Variants in IGHMBP2 observed in about 807,000 individuals in gnomAD.
The protein encoded by IGHMBP2 is immunoglobulin mu DNA binding protein 2.
IGHMBP2 carries 81 observed loss-of-function variants against 96.0 expected under a neutral mutation model. The observed-to-expected ratio is 0.84, with a 90% confidence interval of 0.71 to 1.01. The LOEUF (loss-of-function observed/expected upper bound fraction) is 1.01, where lower values mean the gene tolerates loss of function less well. Ranked by LOEUF, IGHMBP2 falls within the 50% of genes least tolerant of loss-of-function variation. The pLI, the probability that IGHMBP2 is intolerant of heterozygous loss-of-function variation, is 0.00. For missense variants in IGHMBP2, 1,227 were observed against 1,306.3 expected, an observed-to-expected ratio of 0.94 and a Z score of 0.94; for synonymous variants, 557 against 548.9, an observed-to-expected ratio of 1.01 and a Z score of -0.21.
rs1190379799 is a variant in IGHMBP2 at position 68,925,168 on chromosome 11, C to T, written c.1061-4015C>T. On this transcript the variant is annotated intron_variant, in intron 7 of 14. Transcript: ENST00000255078. The stretch of plus-strand genomic sequence containing the variant: ...TTTTTTTTTTTTTTTTTTTTTGAGA[C>T]AGCATCTCACTCTGTTGCCCAGGCT... Among the ~76,000 whole-genome samples, 7 of 130,800 alleles carry T rather than the reference C, an allele frequency of 5.4e-5. No individual in the cohort carries two copies. In the Admixed American group the frequency reaches 6.0e-4, roughly 11 times the overall value. The allele number at this position is 130,800 out of a possible 152,430, so 85.8% of individuals were successfully genotyped here. A position where few individuals can be genotyped will look rare whatever the true frequency, so the allele number is the denominator to read the frequency against.
intron 11 of IGHMBP2, among the ~76,000 whole-genome samples, 172 bp downstream of exon 11, chr11:68,934,730 G>A (rs541866480): frequency 2.0e-5 from 3 of 152,332 alleles, no homozygotes; most frequent in African/African-American, 7.2e-5. Context: ...GCCCCTCTGC[G>A]TGTTCGTCTG....
At chr11:68,933,018 T>C in intron 8 of IGHMBP2, 1 of 535,350 alleles carries the variant, frequency 1.9e-6, no homozygotes, top group Non-Finnish European at 3.4e-6. Context: ...GGTTATCACC[T>C]GGGTCATCCA....
intron 11 of IGHMBP2, among the ~76,000 whole-genome samples, chr11:68,934,759 G>A (rs572179910): frequency 1.8e-4 from 27 of 152,184 alleles, no homozygotes; most frequent in African/African-American, 5.5e-4. Context: ...ACCTTGCCCC[G>A]CCCTGCCCGG....
At chr11:68,915,637 C>T (rs1858633122) in intron 6 of IGHMBP2, among the ~76,000 whole-genome samples, 1 of 151,822 alleles carries the variant, frequency 6.6e-6, no homozygotes, top group Non-Finnish European at 1.5e-5. Flanking sequence ...CATGTGCCAC[C>T]ACACCCAACC....
intron 7 of IGHMBP2, among the ~76,000 whole-genome samples, chr11:68,918,785 T>G (rs1321570027): frequency 1.3e-5 from 2 of 152,082 alleles, no homozygotes; most frequent in Non-Finnish European, 2.9e-5. Flanking sequence ...GGATTACAGG[T>G]GGACCCACCG....
intron 8 of IGHMBP2, chr11:68,930,505 T>C (rs1859249370): frequency 1.6e-6 from 2 of 1,269,752 alleles, no homozygotes; most frequent in Non-Finnish European, 2.0e-6. Flanking sequence ...GAAATAAAGA[T>C]GGTGGAAGAA....
In IGHMBP2 at chr11:68,939,383, A is replaced by G. The variant is rs1197989205; in HGVS notation, c.2785-151A>G. 7.5e-6 allele frequency: 6 copies of G among 802,132 alleles called. No homozygotes were observed. The African/African-American group carries it at 1.0e-4, about 14-fold the overall frequency. 49.7% of individuals were successfully genotyped at this position (802,132 alleles called of 1,614,324 possible). Reference sequence around the variant, plus strand: ...CAGACCACCCCGCCGCTCTCCCGCCAGGCAGCCTGCAGGGTGAAGGACTGA... The same window carrying G: ...CAGACCACCCCGCCGCTCTCCCGCCGGGCAGCCTGCAGGGTGAAGGACTGA... On this transcript the variant is annotated intron_variant, in intron 14 of 14. Transcript: ENST00000255078.
chr11:68,911,392 C>T lies in IGHMBP2; in HGVS notation c.548-48C>T, dbSNP rs1178724405. ...CACACTCTCTGAGGAGGAACACCCA[C>T]AGAGCTCCCCAGAGCACCTGAGCCT... On this transcript the variant is annotated intron_variant, in intron 4 of 14. Coordinates refer to ENST00000255078, the MANE Select transcript of IGHMBP2 (RefSeq NM_002180.3). 3.7e-6 allele frequency: 6 copies of T among 1,600,506 alleles called. No homozygotes were observed. The South Asian group carries it at 4.4e-5, about 12-fold the overall frequency.
Position 68,919,402 on chromosome 11 carries a change from TG to T in IGHMBP2, c.1060+1523del, listed in dbSNP as rs560200761. 6.2e-4 allele frequency among the ~76,000 whole-genome samples: 95 copies of T among 152,356 alleles called. 2 individuals carry two copies. Among genetic ancestry groups the T allele is most frequent in the African/African-American group, 2.2e-3 (92 of 41,584 alleles). On this transcript the variant is annotated intron_variant, in intron 7 of 14. Coordinates refer to ENST00000255078, the MANE Select transcript of IGHMBP2 (RefSeq NM_002180.3). ...CTCCCAGCTCAGCCTCCTGAGGAGC[TG>T]GGGCTCCCTGCATGTGCCACTGCAC...
chr11:68,906,567 T>C (rs1300456371), intron 2 of IGHMBP2, among the ~76,000 whole-genome samples: 1 of 152,110 alleles, frequency 6.6e-6, no homozygotes, highest in African/African-American at 2.4e-5. Flanking sequence ...ACTGATTACA[T>C]GTTGAAATAA....
At position 68,933,846 on chromosome 11, in the gene IGHMBP2, G is replaced by C; in HGVS notation, c.1470G>C (p.Leu490Phe). Residue 490 changes from leucine (L) to phenylalanine (F), a missense_variant, in exon 10 of 15, where the codon TTG (leucine) becomes TTC (phenylalanine). Around this residue, in one of 3 missense-constraint regions of IGHMBP2, gnomAD observed 703 missense variants for 770.3 expected, o/e 0.91. Coordinates refer to ENST00000255078, the MANE Select transcript of IGHMBP2 (RefSeq NM_002180.3). ...AAGAGACGGGTGTGCCCCTGCTCTTGGTGGACACCGCCGGCTGCGGGCTGT... is the reference window on the plus strand; with the variant it reads ...AAGAGACGGGTGTGCCCCTGCTCTTCGTGGACACCGCCGGCTGCGGGCTGT... ...ATEETGVPLL[L>F]VDTAGCGLFE... is the part of the protein sequence containing the mutation. 6 of 1,610,856 alleles carry C rather than the reference G, an allele frequency of 3.7e-6. No homozygotes were observed. The highest frequency in any genetic ancestry group is 1.3e-5 in the African/African-American group (1 of 75,016).
intron 4 of IGHMBP2, among the ~76,000 whole-genome samples, chr11:68,909,502 T>C (rs558140369): frequency 1.3e-5 from 2 of 151,984 alleles, no homozygotes; most frequent in East Asian, 3.9e-4. Flanking sequence ...TAAAATAATG[T>C]TCTTTTTAGT....
At chr11:68,908,380 AAC>A in intron 3 of IGHMBP2, 43 bp downstream of exon 3, 1 of 1,571,624 alleles carries the variant, frequency 6.4e-7, no homozygotes, top group Non-Finnish European at 8.8e-7. Context: ...ATCTTCCTTC[AAC>A]ACAGCTAATC....
intron 13 of IGHMBP2, 54 bp downstream of exon 13, chr11:68,937,145 C>G (rs1859579178): frequency 6.3e-7 from 1 of 1,590,144 alleles, no homozygotes; most frequent in African/African-American, 1.3e-5. Context: ...GGTGCTGGCC[C>G]CACTTGGAGC....
chr11:68,911,421 G>A lies in IGHMBP2; in HGVS notation c.548-19G>A, dbSNP rs1052895374. The A allele has an allele frequency of 1.2e-5, 19 of 1,612,378 alleles. No individual in the cohort carries two copies. Among genetic ancestry groups the A allele is most frequent in the African/African-American group, 5.3e-5 (4 of 74,872 alleles). Reference sequence around the variant, plus strand: ...GCTCCCCAGAGCACCTGAGCCTCACGCTGCTGCTTCTTCCACAGACCCGCT... The same window carrying A: ...GCTCCCCAGAGCACCTGAGCCTCACACTGCTGCTTCTTCCACAGACCCGCT... On this transcript the variant is annotated intron_variant, in intron 4 of 14. Coordinates refer to ENST00000255078, the MANE Select transcript of IGHMBP2 (RefSeq NM_002180.3).
Position 68,936,663 on chromosome 11 carries a change from A to T in IGHMBP2, c.2183A>T (p.His728Leu), listed in dbSNP as rs536678728. ...GTGGAGAGCCAAGATGGCGTGGACC[A>T]CTTCCGGGCCATGATAGTGGAGTTC... The part of the protein sequence containing the change: ...EGVESQDGVD[H>L]FRAMIVEFMA... Residue 728 changes from histidine (H) to leucine (L), a missense_variant, in exon 13 of 15, where the codon CAC becomes CTC. Physicochemically the swap from His to Leu is moderately conservative, Grantham distance 99. Coordinates refer to ENST00000255078, the MANE Select transcript of IGHMBP2 (RefSeq NM_002180.3). 4 of 1,613,956 alleles carry T rather than the reference A, an allele frequency of 2.5e-6. No individual in the cohort carries two copies. The African/African-American group carries it at 5.3e-5, about 22-fold the overall frequency.
Position 68,935,310 on chromosome 11 carries a change from C to G in IGHMBP2, c.1644C>G (p.Leu548=). The change falls in exon 12 of 15, where the codon CTC becomes CTG. Residue 548 remains leucine (L), a synonymous_variant. Transcript: ENST00000255078. Reference sequence around the variant, plus strand: ...GGCTGGTGTTTCAGGTGGACCTGCTCAGACAGAGCCTTGTGCACAGGCACC... The same window carrying G: ...GGCTGGTGTTTCAGGTGGACCTGCTGAGACAGAGCCTTGTGCACAGGCACC... The part of the protein sequence containing the change: ...VSPYNLQVDL[L]RQSLVHRHPE... 6.2e-7 allele frequency: 1 copy of G among 1,614,036 alleles called. No homozygotes were observed.
intron 14 of IGHMBP2, 102 bp downstream of exon 14, chr11:68,938,456 A>G: frequency 1.9e-6 from 2 of 1,034,036 alleles, no homozygotes; most frequent in Non-Finnish European, 2.8e-6. Context: ...CGGAACAGTT[A>G]GCTCCTTACA....
intron 6 of IGHMBP2, among the ~76,000 whole-genome samples, chr11:68,916,046 C>T (rs1858654381): frequency 6.6e-6 from 1 of 151,720 alleles, no homozygotes; most frequent in South Asian, 2.1e-4. Context: ...TGGTGGCGGG[C>T]ACCTGTATTC....
Sources: gnomAD v4.1 joint callset for allele counts (sites outside exome capture counted in the v4.1 genomes callset) on GRCh38, gnomAD v4.1.1 for gene constraint, gnomAD v4.1.1 regional missense constraint, MANE v1.5 for transcripts, NCBI Gene and HGNC (gene_info 2026-07-23, HGNC 2026-07-21) for gene names.